Variants in CACHD1 observed in about 807,000 individuals in gnomAD.
The protein encoded by CACHD1 is cache domain containing 1.
CACHD1 carries 71 observed loss-of-function variants against 138.7 expected under a neutral mutation model. The ratio of observed to expected loss-of-function variants is 0.51; its 90% CI spans 0.42 to 0.62. The LOEUF is 0.62. Among genes scored for constraint, CACHD1 ranks in the 20% least tolerant of loss-of-function variants. The pLI, the probability that CACHD1 is intolerant of heterozygous loss-of-function variation, is 0.00. For synonymous variants in CACHD1, 578 were observed against 591.5 expected, an observed-to-expected ratio of 0.98 and a Z score of 0.33; for missense variants, 1,389 against 1,625.3, an observed-to-expected ratio of 0.85 and a Z score of 2.50.
chr1:64,536,691 A>G (rs1646635186), intron 1 of CACHD1, among the ~76,000 whole-genome samples: 1 of 152,158 alleles, frequency 6.6e-6, no homozygotes, highest in Non-Finnish European at 1.5e-5. Context: ...GTTGTACCAA[A>G]TCTTTTATTT....
At chr1:64,603,889 G>A (rs943602038) in intron 4 of CACHD1, among the ~76,000 whole-genome samples, 4 of 152,182 alleles carry the variant, frequency 2.6e-5, no homozygotes, top group Middle Eastern at 3.4e-3. Flanking sequence ...TTTAAGAGCT[G>A]GAAGGAACTT....
chr1:64,494,995 T>C (rs182003736), intron 1 of CACHD1, among the ~76,000 whole-genome samples: 1 of 152,100 alleles, frequency 6.6e-6, no homozygotes, highest in African/African-American at 2.4e-5. Flanking sequence ...ATCTTGTTTC[T>C]TTGTGTAGTG....
At chr1:64,474,461 G>A (rs1011175008) in intron 1 of CACHD1, among the ~76,000 whole-genome samples, 1 of 152,192 alleles carries the variant, frequency 6.6e-6, no homozygotes, top group African/African-American at 2.4e-5. Context: ...TTTGCTCTGT[G>A]GACTTAAAGG....
At chr1:64,602,155 T>C (rs1647222154) in intron 3 of CACHD1, among the ~76,000 whole-genome samples, 1 of 152,226 alleles carries the variant, frequency 6.6e-6, no homozygotes, top group Non-Finnish European at 1.5e-5. Context: ...CAAAAGACTT[T>C]TGCCTTATTT....
intron 25 of CACHD1, among the ~76,000 whole-genome samples, chr1:64,681,541 G>GTTTTTTTTTTTTTTTTTTTTTTTT (rs57993424): frequency 4.4e-5 from 3 of 68,148 alleles, no homozygotes; most frequent in African/African-American, 1.5e-4. Context: ...ATTTTATTGT[G>GTTTTTTTTTTTTTTTTTTTTTTTT]TTTTTTTTTT....
chr1:64,663,520 C>T (rs1649516865), intron 13 of CACHD1, among the ~76,000 whole-genome samples, 175 bp from the exon 14 acceptor site: 1 of 147,756 alleles, frequency 6.8e-6, no homozygotes, highest in African/African-American at 2.5e-5. Context: ...CACTTCACAC[C>T]AGCCTGGGCC....
At chr1:64,583,395 A>G (rs895270537) in intron 3 of CACHD1, among the ~76,000 whole-genome samples, 5 of 152,174 alleles carry the variant, frequency 3.3e-5, no homozygotes, top group African/African-American at 1.2e-4. Context: ...AACACTCAAT[A>G]CCCACATGGT....
intron 4 of CACHD1, among the ~76,000 whole-genome samples, chr1:64,603,459 A>G (rs566128374): frequency 6.8e-4 from 104 of 152,190 alleles, no homozygotes; most frequent in African/African-American, 1.0e-3. Context: ...ATACCTTTCT[A>G]TGCTCTTCAA....
rs766451924 is a variant in CACHD1, at chr1:64,632,734, A to G, written c.780A>G (p.Glu260=). The G allele has an allele frequency of 6.2e-6, 10 of 1,614,038 alleles. No individual in the cohort carries two copies. The Admixed American group carries it at 1.7e-4, about 27-fold the overall frequency. ...AGGTCATCCTCAGCGCCATCGATGA[A>G]CATGACAAGGTGACCATGACCCTTG... ...AAQVILSAID[E]HDKISVLTVA... The change falls in exon 6 of 27, where the codon GAA becomes GAG. Residue 260 remains glutamate, a synonymous_variant. Transcript: ENST00000651257.
intron 4 of CACHD1, chr1:64,613,550 A>T (rs917456642): frequency 2.0e-5 from 3 of 152,204 alleles, no homozygotes; most frequent in Non-Finnish European, 2.9e-5. Flanking sequence ...TCAGGCTCTC[A>T]TTGCTCCCTG....
At position 64,570,907 on chromosome 1, in the gene CACHD1, T is replaced by A. The variant is rs186054970; in HGVS notation, c.262-11249T>A. ...GTGCTGTTACTGTTGGCTTAAAAAA[T>A]TTTTTTTCCCAATGATATTAAAAAA... On this transcript the variant is annotated intron_variant, in intron 2 of 26. Coordinates refer to ENST00000651257, the MANE Select transcript of CACHD1 (RefSeq NM_020925.4). 3.6e-4 allele frequency among the ~76,000 whole-genome samples: 55 copies of A among 151,934 alleles called. No individual in the cohort carries two copies. The East Asian group carries it at 4.7e-3, about 13-fold the overall frequency.
chr1:64,490,868 C>T (rs1281014449), intron 1 of CACHD1, among the ~76,000 whole-genome samples: 1 of 152,130 alleles, frequency 6.6e-6, no homozygotes, highest in East Asian at 1.9e-4. Flanking sequence ...TCAGCAAATG[C>T]TGGTGGGAAC....
At chr1:64,563,780 T>C (rs1646860436) in intron 2 of CACHD1, 1 of 152,204 alleles carries the variant, frequency 6.6e-6, no homozygotes, top group South Asian at 2.1e-4. Flanking sequence ...AAGAGCCTCA[T>C]CTTTTGAGAT....
chr1:64,499,500 A>G (rs540547409), intron 1 of CACHD1, among the ~76,000 whole-genome samples: 2 of 152,338 alleles, frequency 1.3e-5, no homozygotes, highest in East Asian at 3.9e-4. Context: ...TGATTGTATT[A>G]GGAGATGGTG....
chr1:64,648,157 T>C, intron 9 of CACHD1, 123 bp downstream of exon 9: 1 of 714,114 alleles, frequency 1.4e-6, no homozygotes, highest in Non-Finnish European at 2.3e-6. Context: ...TATCTCTGTA[T>C]TGTACAGCAG....
At chr1:64,543,482 G>A (rs975611755) in intron 1 of CACHD1, among the ~76,000 whole-genome samples, 1 of 150,472 alleles carries the variant, frequency 6.6e-6, no homozygotes, top group Non-Finnish European at 1.5e-5. Flanking sequence ...AGGCTGAGGC[G>A]AGAGGATCAC....
At chr1:64,654,515 A>T (rs1649200193) in intron 11 of CACHD1, among the ~76,000 whole-genome samples, 171 bp from the exon 12 acceptor site, 1 of 152,256 alleles carries the variant, frequency 6.6e-6, no homozygotes, top group Non-Finnish European at 1.5e-5. Context: ...CAGAGCTGAC[A>T]TAATGCTTTT....
chr1:64,502,453 G>A (rs923053329), intron 1 of CACHD1, among the ~76,000 whole-genome samples: 7 of 151,972 alleles, frequency 4.6e-5, no homozygotes, highest in Admixed American at 1.3e-4. Flanking sequence ...TTCCAGCCAC[G>A]ACTTCATTCC....
At chr1:64,588,683 C>G (rs949286410) in intron 3 of CACHD1, among the ~76,000 whole-genome samples, 1 of 152,088 alleles carries the variant, frequency 6.6e-6, no homozygotes, top group Non-Finnish European at 1.5e-5. Flanking sequence ...GGGCCCAGAT[C>G]AATACTTTTA....
Sources: gnomAD v4.1 joint callset for allele counts (sites outside exome capture counted in the v4.1 genomes callset) on GRCh38, gnomAD v4.1.1 for gene constraint, MANE v1.5 for transcripts, NCBI Gene and HGNC (gene_info 2026-07-23, HGNC 2026-07-21) for gene names.